The following FRMD3 variants were observed in gnomAD, a reference collection of about 807,000 sequenced individuals.
FRMD3 encodes the protein FERM domain-containing protein 3.
FRMD3 carries 33 observed loss-of-function variants against 70.2 expected under a neutral mutation model. The observed-to-expected ratio is 0.47, with a 90% confidence interval of 0.36 to 0.63. The LOEUF is 0.63. Among genes scored for constraint, FRMD3 ranks in the 20% least tolerant of loss-of-function variants. The pLI is 0.00. For missense variants in FRMD3, 632 were observed against 711.4 expected (o/e 0.89, Z 1.27); for synonymous variants, 279 against 255.9 (o/e 1.09, Z -0.86).
chr9:83,482,536 G>A (rs956194212), intron 1 of FRMD3, among the ~76,000 whole-genome samples: 12 of 152,150 alleles, frequency 7.9e-5, no homozygotes, highest in Admixed American at 7.2e-4. Flanking sequence ...GGAGACAGGT[G>A]TACAATGTGG....
intron 13 of FRMD3, among the ~76,000 whole-genome samples, chr9:83,270,843 A>AT (rs36067089): frequency 0.06 from 8,629 of 143,682 alleles, 407 homozygotes; most frequent in African/African-American, 0.14. Flanking sequence ...ATACATGGTC[A>AT]TTTTTTTTTT....
chr9:83,388,883 G>A (rs1045966244), intron 2 of FRMD3, among the ~76,000 whole-genome samples: 7 of 148,646 alleles, frequency 4.7e-5, no homozygotes, highest in South Asian at 2.1e-4. Context: ...TTCATCCCTC[G>A]AAAAGAAAAC....
intron 1 of FRMD3, among the ~76,000 whole-genome samples, chr9:83,446,651 A>G (rs1464504963): frequency 6.7e-6 from 1 of 149,980 alleles, no homozygotes; most frequent in Admixed American, 6.6e-5. Context: ...GGTCTCAAAA[A>G]AAAAAAAAAA....
intron 1 of FRMD3, among the ~76,000 whole-genome samples, chr9:83,485,933 C>T (rs1587460107): frequency 6.6e-6 from 1 of 151,846 alleles, no homozygotes; most frequent in Admixed American, 6.6e-5. Context: ...AAAAAAAGAG[C>T]TATTTTACAG....
intron 1 of FRMD3, among the ~76,000 whole-genome samples, chr9:83,436,786 A>G (rs868823347): frequency 0.042 from 3,950 of 94,152 alleles, 171 homozygotes; most frequent in African/African-American, 0.19. Flanking sequence ...AAGGGGAAAA[A>G]AAAAAAAAAA....
At chr9:83,515,860 G>C (rs1829443174) in intron 1 of FRMD3, among the ~76,000 whole-genome samples, 1 of 152,108 alleles carries the variant, frequency 6.6e-6, no homozygotes, top group Admixed American at 6.5e-5. Flanking sequence ...TTCATATCCA[G>C]CCAAACTAAG....
chr9:83,563,717 A>T, the FRMD3 span, among the ~76,000 whole-genome samples: 7 of 152,184 alleles, frequency 4.6e-5, no homozygotes, highest in East Asian at 1.3e-3. Flanking sequence ...TGAAATCTAA[A>T]GCCAGGAAGA....
intron 1 of FRMD3, among the ~76,000 whole-genome samples, chr9:83,461,009 C>T (rs1827955464): frequency 6.6e-6 from 1 of 151,924 alleles, no homozygotes. Context: ...AGGCACTTAC[C>T]ACACAGTGTG....
chr9:83,408,150 G>A (rs1307228403), intron 1 of FRMD3, among the ~76,000 whole-genome samples: 1 of 152,136 alleles, frequency 6.6e-6, no homozygotes, highest in East Asian at 1.9e-4. Context: ...GGATTCAAGG[G>A]AAAGGGAATT....
chr9:83,509,669 C>T (rs1050140199), intron 1 of FRMD3, among the ~76,000 whole-genome samples: 1 of 152,200 alleles, frequency 6.6e-6, no homozygotes, highest in African/African-American at 2.4e-5. Context: ...TAAGTCTTCA[C>T]TTTCTCCCAC....
intron 1 of FRMD3, among the ~76,000 whole-genome samples, chr9:83,490,763 TTCTC>T (rs67058664): frequency 0.021 from 2,691 of 129,056 alleles, 25 homozygotes; most frequent in Non-Finnish European, 0.026. Context: ...TTTTACTCTC[TTCTC>T]TCTCTCTCTC....
upstream of FRMD3, among the ~76,000 whole-genome samples, chr9:83,542,074 T>C (rs1322969662): frequency 6.6e-6 from 1 of 152,060 alleles, no homozygotes; most frequent in Non-Finnish European, 1.5e-5. Flanking sequence ...CAGAGGACAT[T>C]TGAGTACAGG....
chr9:83,290,517 C>G, intron 13 of FRMD3, 86 bp downstream of exon 13: 1 of 1,452,486 alleles, frequency 6.9e-7, no homozygotes, highest in Admixed American at 1.7e-5. Context: ...TAATCAATTA[C>G]CCATCATATG....
chr9:83,575,954 C>T, the FRMD3 span, among the ~76,000 whole-genome samples: 27 of 152,082 alleles, frequency 1.8e-4, no homozygotes, highest in Non-Finnish European at 3.1e-4. Context: ...CACATTGGCT[C>T]ATGCCTATAA....
At chr9:83,374,310 T>C (rs1422356787) in intron 2 of FRMD3, among the ~76,000 whole-genome samples, 1 of 152,046 alleles carries the variant, frequency 6.6e-6, no homozygotes, top group Non-Finnish European at 1.5e-5. Context: ...CCACTGAGGG[T>C]GTCAAATCTC....
At chr9:83,568,100 G>A in the FRMD3 span, among the ~76,000 whole-genome samples, 34 of 152,194 alleles carry the variant, frequency 2.2e-4, no homozygotes, top group African/African-American at 7.7e-4. Flanking sequence ...TCAGAATCAT[G>A]GTAGGAGATG....
At chr9:83,412,464 A>G (rs1169658235) in intron 1 of FRMD3, among the ~76,000 whole-genome samples, 3 of 152,262 alleles carry the variant, frequency 2.0e-5, no homozygotes, top group Non-Finnish European at 4.4e-5. Context: ...ATAATTTTCT[A>G]TAGTGGCTGT....
At chr9:83,268,056 G>C (rs1833359223) in intron 13 of FRMD3, among the ~76,000 whole-genome samples, 1 of 152,186 alleles carries the variant, frequency 6.6e-6, no homozygotes, top group African/African-American at 2.4e-5. Flanking sequence ...TTGAACCTAG[G>C]CTTCCAATTA....
intron 2 of FRMD3, among the ~76,000 whole-genome samples, chr9:83,379,018 A>G (rs1237552433): frequency 2.6e-5 from 4 of 151,090 alleles, no homozygotes; most frequent in Non-Finnish European, 5.9e-5. Context: ...GTGAGCCACC[A>G]CGCCCAGCCT....
Sources: allele counts gnomAD v4.1 joint callset (sites outside exome capture counted in the v4.1 genomes callset), GRCh38; gene constraint gnomAD v4.1.1; transcripts MANE v1.5; gene names NCBI Gene and HGNC (gene_info 2026-07-23, HGNC 2026-07-21).